The following GNPDA2 variants were observed in gnomAD, a reference collection of about 807,000 sequenced individuals.
GNPDA2 encodes glucosamine-6-phosphate deaminase 2.
Under a neutral mutation model 27.0 loss-of-function variants are expected in GNPDA2, and 24 were observed. The ratio of observed to expected loss-of-function variants is 0.89; its 90% CI spans 0.64 to 1.25. GNPDA2 has a LOEUF of 1.25. Among genes scored for constraint, GNPDA2 ranks in the 50% most tolerant of loss-of-function variants. GNPDA2 has a pLI of 0.00. For synonymous variants in GNPDA2, 94 were observed against 108.4 expected, an observed-to-expected ratio of 0.87 and a Z score of 0.83; for missense variants, 286 against 335.1, an observed-to-expected ratio of 0.85 and a Z score of 1.14.
chr4:44,718,274 C>G (rs374458763), intron 3 of GNPDA2, 35 bp downstream of exon 3: 2 of 796,292 alleles, frequency 2.5e-6, no homozygotes, highest in East Asian at 5.7e-5. Flanking sequence ...TATAACATAC[C>G]CAAATAATGG....
At chr4:44,710,347 T>A (rs773594326) in intron 5 of GNPDA2, among the ~76,000 whole-genome samples, 1 of 152,152 alleles carries the variant, frequency 6.6e-6, no homozygotes, top group Non-Finnish European at 1.5e-5. Context: ...ATAATTTAAC[T>A]ACATATAACC....
intron 6 of GNPDA2, chr4:44,703,848 A>G (rs936462147): frequency 1.5e-5 from 15 of 984,966 alleles, no homozygotes; most frequent in South Asian, 1.4e-4. Flanking sequence ...CCTCAGTACT[A>G]TATTTCTTTG....
chr4:44,717,019 T>C (rs1228331210), intron 4 of GNPDA2, 94 bp downstream of exon 4: 2 of 826,252 alleles, frequency 2.4e-6, no homozygotes, highest in Admixed American at 5.3e-5. Flanking sequence ...ACAGGTGCTC[T>C]TTACATTACA....
At chr4:44,725,578 G>C (rs1717958715) in intron 1 of GNPDA2, among the ~76,000 whole-genome samples, 1 of 152,100 alleles carries the variant, frequency 6.6e-6, no homozygotes, top group Admixed American at 6.5e-5. Context: ...CCAAGGTACA[G>C]GCAACTTTTT....
At chr4:44,723,963 T>G (rs1717843959) in intron 1 of GNPDA2, among the ~76,000 whole-genome samples, 1 of 152,152 alleles carries the variant, frequency 6.6e-6, no homozygotes, top group African/African-American at 2.4e-5. Context: ...CCTATGCAGA[T>G]GAAGGGATGG....
At chr4:44,710,814 T>C in intron 5 of GNPDA2, 139 bp downstream of exon 5, 1 of 621,562 alleles carries the variant, frequency 1.6e-6, no homozygotes, top group South Asian at 2.8e-5. Flanking sequence ...CTGACAAAAG[T>C]TGGTTACTGA....
At position 44,705,020 on chromosome 4, in the gene GNPDA2, G is replaced by A. The variant is rs1021925789; in HGVS notation, c.770-1878C>T. Reference sequence around the variant, plus strand: ...TCAAAAGGTATATACCGTTATATAGGTATATATTGAAATAAACTTGCATTT... The same window carrying A: ...TCAAAAGGTATATACCGTTATATAGATATATATTGAAATAAACTTGCATTT... On this transcript the variant is annotated intron_variant, in intron 6 of 6. Coordinates refer to ENST00000295448, the MANE Select transcript of GNPDA2 (RefSeq NM_138335.3). 3 of 977,978 alleles carry A rather than the reference G, an allele frequency of 3.1e-6. No homozygotes were observed. The African/African-American group carries it at 5.3e-5, about 17-fold the overall frequency. 60.6% of individuals were successfully genotyped at this position (977,978 alleles called of 1,614,324 possible).
Position 44,717,297 on chromosome 4 carries a change from TA to T in GNPDA2, c.227-3del. 6.9e-7 allele frequency: 1 copy of T among 1,446,934 alleles called. No individual in the cohort carries two copies. Among genetic ancestry groups the T allele is most frequent in the Non-Finnish European group, 9.3e-7 (1 of 1,069,744 alleles). 89.6% of individuals were successfully genotyped at this position (1,446,934 alleles called of 1,614,324 possible). A position where few individuals can be genotyped will look rare whatever the true frequency, so the allele number is the denominator to read the frequency against. On this transcript the variant is annotated splice_polypyrimidine_tract_variant and splice_region_variant and intron_variant, in intron 3 of 6. Transcript: ENST00000295448. The stretch of plus-strand genomic sequence containing the variant: ...TTTCAGGATGATTTCTTGGAAGTCC[TA>T]AAGATGAAGTTAATAAAAATATAAG...
intron 4 of GNPDA2, among the ~76,000 whole-genome samples, chr4:44,715,991 T>G (rs1039064051): frequency 2.6e-5 from 4 of 151,882 alleles, no homozygotes; most frequent in African/African-American, 9.7e-5. Context: ...ACTTATGGAG[T>G]ACCAACTATA....
chr4:44,726,339 G>A (rs1643441657), intron 1 of GNPDA2, 135 bp downstream of exon 1: 6 of 152,334 alleles, frequency 3.9e-5, no homozygotes, highest in Admixed American at 3.9e-4. Flanking sequence ...CAGCCTCGAG[G>A]TTCCTGAGCA....
At position 44,722,192 on chromosome 4, in the gene GNPDA2, G is replaced by A. The variant is rs1717716067; in HGVS notation, c.16C>T (p.Leu6Phe). Reference sequence around the variant, plus strand: ...TCACTAGCCAAGTCATAGTTATCAAGAATTACAAGCCTCATTACGGTGACG... The same window carrying A: ...TCACTAGCCAAGTCATAGTTATCAAAAATTACAAGCCTCATTACGGTGACG... MRLVILDNYDLASEWA... is the reference protein window; with the variant it reads MRLVIFDNYDLASEWA... The change falls in exon 2 of 7, where the codon CTT becomes TTT. Residue 6 changes from leucine (L) to phenylalanine (F), a missense_variant. Leu to Phe is a conservative substitution (Grantham distance 22, BLOSUM62 0). Transcript: ENST00000295448. 1.2e-6 allele frequency: 2 copies of A among 1,613,306 alleles called. No individual in the cohort carries two copies. The highest frequency in any genetic ancestry group is 1.7e-6 in the Non-Finnish European group (2 of 1,179,558).
intron 4 of GNPDA2, among the ~76,000 whole-genome samples, chr4:44,713,761 T>A (rs1052600732): frequency 1.3e-5 from 2 of 151,834 alleles, no homozygotes; most frequent in African/African-American, 4.8e-5. Context: ...GTGCCTGTAG[T>A]CACAGCTACT....
chr4:44,711,688 A>G lies in GNPDA2; in HGVS notation c.410-551T>C, dbSNP rs562661743. Reference sequence around the variant, plus strand: ...ATTAACTAGTAGACCTTTCTGTAGGAGAGTTTCCTCACTTATAAAAATGTG... The same window carrying G: ...ATTAACTAGTAGACCTTTCTGTAGGGGAGTTTCCTCACTTATAAAAATGTG... On this transcript the variant is annotated intron_variant, in intron 4 of 6. Transcript: ENST00000295448. Among the ~76,000 whole-genome samples, 61 of 151,826 alleles carry G rather than the reference A, an allele frequency of 4.0e-4. 1 individual carries two copies. In the South Asian group the frequency reaches 0.012, roughly 31 times the overall value.
At chr4:44,720,897 G>GT (rs1207447759) in intron 2 of GNPDA2, among the ~76,000 whole-genome samples, 5 of 151,954 alleles carry the variant, frequency 3.3e-5, no homozygotes, top group Non-Finnish European at 5.9e-5. Flanking sequence ...TCAAATTACT[G>GT]TTTTTTTCTG....
At chr4:44,705,770 T>A (rs948220164) in intron 6 of GNPDA2, 1 of 151,942 alleles carries the variant, frequency 6.6e-6, no homozygotes, top group Admixed American at 6.6e-5. Flanking sequence ...TACCCAGCTC[T>A]GCCCAAATAT....
At chr4:44,709,210 T>G (rs536279251) in intron 5 of GNPDA2, among the ~76,000 whole-genome samples, 1 of 152,194 alleles carries the variant, frequency 6.6e-6, no homozygotes, top group African/African-American at 2.4e-5. Context: ...AGTACATACC[T>G]GGCATTACCA....
rs1219894292 is a variant in GNPDA2, at chr4:44,711,824, T to TAC, written c.410-688_410-687insGT. On this transcript the variant is annotated intron_variant, in intron 4 of 6. Coordinates refer to ENST00000295448, the MANE Select transcript of GNPDA2 (RefSeq NM_138335.3). Reference sequence around the variant, plus strand: ...TTGCAATCTAGTATATATATATATATATATACACATATACAACACAAACAT... The same window carrying TAC: ...TTGCAATCTAGTATATATATATATATACATATACACATATACAACACAAACAT... Among the ~76,000 whole-genome samples the TAC allele has an allele frequency of 6.7e-4, 72 of 107,732 alleles. 1 individual carries two copies. Among genetic ancestry groups the TAC allele is most frequent in the South Asian group, 2.3e-3 (8 of 3,508 alleles). 70.7% of individuals were successfully genotyped at this position (107,732 alleles called of 152,430 possible). A position where few individuals can be genotyped will look rare whatever the true frequency, so the allele number is the denominator to read the frequency against.
chr4:44,712,999 A>G (rs923679208), intron 4 of GNPDA2, among the ~76,000 whole-genome samples: 5 of 152,178 alleles, frequency 3.3e-5, no homozygotes, highest in Non-Finnish European at 4.4e-5. Context: ...ACTCTTCATG[A>G]AAGTAAGGGC....
chr4:44,714,159 G>A (rs1717143052), intron 4 of GNPDA2: 1 of 210,698 alleles, frequency 4.7e-6, no homozygotes, highest in African/African-American at 2.4e-5. Context: ...TTTTTTAGTA[G>A]AGACGGGGTT....
Sources: allele counts gnomAD v4.1 joint callset (sites outside exome capture counted in the v4.1 genomes callset), GRCh38; gene constraint gnomAD v4.1.1; transcripts MANE v1.5; gene names NCBI Gene and HGNC (gene_info 2026-07-23, HGNC 2026-07-21).